LRRC37A2: variants seen among roughly 807,000 people sequenced by gnomAD.
The protein encoded by LRRC37A2 is leucine-rich repeat-containing protein 37A2.
A neutral mutation model predicts 68.8 loss-of-function variants in LRRC37A2; 9 were observed. The observed-to-expected ratio is 0.13, with a 90% CI of 0.08 to 0.23. LRRC37A2 has a LOEUF of 0.23. LRRC37A2 is among the 10% of genes least tolerant of loss of function. LRRC37A2 has a pLI of 1.00. For missense variants in LRRC37A2, 168 were observed against 950.4 expected (o/e 0.18, Z 10.82); for synonymous variants, 63 against 367.6 (o/e 0.17, Z 9.48).
At chr17:46,709,898 C>T in the LRRC37A2 span, among the ~76,000 whole-genome samples, 1 of 152,140 alleles carries the variant, frequency 6.6e-6, no homozygotes, top group Non-Finnish European at 1.5e-5. Flanking sequence ...GAATGAGAAC[C>T]TTCCTCTGTA....
At chr17:46,679,423 C>T in the LRRC37A2 span, among the ~76,000 whole-genome samples, 8 of 132,032 alleles carry the variant, frequency 6.1e-5, no homozygotes, top group African/African-American at 2.1e-4. Flanking sequence ...TGGAAAAAAA[C>T]GTTTGGGAAG....
chr17:46,958,446 C>T, the LRRC37A2 span, among the ~76,000 whole-genome samples: 8 of 152,174 alleles, frequency 5.3e-5, no homozygotes, highest in Non-Finnish European at 1.2e-4. Context: ...CTTTTATTCT[C>T]GAACTGAAGG....
the LRRC37A2 span, among the ~76,000 whole-genome samples, chr17:46,717,637 G>A: frequency 2.0e-5 from 3 of 152,118 alleles, no homozygotes; most frequent in East Asian, 5.8e-4. Flanking sequence ...GCTTGAACCC[G>A]GGAGGCAGAG....
chr17:46,889,062 C>G, the LRRC37A2 span, among the ~76,000 whole-genome samples: 1 of 152,158 alleles, frequency 6.6e-6, no homozygotes, highest in South Asian at 2.1e-4. Flanking sequence ...CTCAGCTCTT[C>G]CCTGCAGCAG....
At chr17:46,530,129 C>G (rs907119634) in intron 6 of LRRC37A2, among the ~76,000 whole-genome samples, 1 of 138,058 alleles carries the variant, frequency 7.2e-6, no homozygotes, top group Admixed American at 7.7e-5. Context: ...TGGGCTCAAG[C>G]TTTCCTTCTG....
chr17:46,657,221 GA>G, the LRRC37A2 span, among the ~76,000 whole-genome samples: 1 of 100,726 alleles, frequency 9.9e-6, no homozygotes, highest in Non-Finnish European at 2.2e-5. Context: ...TAGAATTGCT[GA>G]ATCAAAAAGG....
At chr17:46,856,943 C>T in the LRRC37A2 span, among the ~76,000 whole-genome samples, 1 of 152,224 alleles carries the variant, frequency 6.6e-6, no homozygotes, top group Admixed American at 6.5e-5. Flanking sequence ...CCCATGGCTA[C>T]TCCACTTCTC....
chr17:47,027,097 G>C, the LRRC37A2 span, among the ~76,000 whole-genome samples: 2 of 152,080 alleles, frequency 1.3e-5, no homozygotes, highest in Admixed American at 6.6e-5. Context: ...TTTTTTTGTA[G>C]AGACGGGGTT....
chr17:46,894,910 G>A, the LRRC37A2 span, among the ~76,000 whole-genome samples: 1 of 152,234 alleles, frequency 6.6e-6, no homozygotes, highest in Non-Finnish European at 1.5e-5. Flanking sequence ...GGCCATGCAA[G>A]CCGGAATGCA....
At chr17:46,978,591 G>A in the LRRC37A2 span, 1 of 1,531,452 alleles carries the variant, frequency 6.5e-7, no homozygotes, top group South Asian at 1.2e-5. Context: ...CGAGGGTCCG[G>A]GTCTCCGGGG....
At chr17:46,491,422 G>A in the LRRC37A2 span, among the ~76,000 whole-genome samples, 127,142 of 134,154 alleles carry the variant, frequency 0.95, 61,169 homozygotes, top group East Asian at 1. Context: ...TTTGATTGGA[G>A]TAACTTTATT....
At chr17:46,731,929 A>G in the LRRC37A2 span, among the ~76,000 whole-genome samples, 1 of 152,204 alleles carries the variant, frequency 6.6e-6, no homozygotes, top group Non-Finnish European at 1.5e-5. Flanking sequence ...AAATGTTTAT[A>G]TTCTCTCAAG....
the LRRC37A2 span, among the ~76,000 whole-genome samples, chr17:47,004,448 G>A: frequency 6.6e-6 from 1 of 152,212 alleles, no homozygotes; most frequent in African/African-American, 2.4e-5. Context: ...CTGCCCTCAG[G>A]GGCCAGCAGC....
chr17:46,883,707 C>T, the LRRC37A2 span, among the ~76,000 whole-genome samples: 4 of 152,142 alleles, frequency 2.6e-5, no homozygotes, highest in Non-Finnish European at 4.4e-5. Flanking sequence ...GTGCTGGGCA[C>T]GGCCTGGGGA....
chr17:46,822,166 G>T, the LRRC37A2 span, among the ~76,000 whole-genome samples: 1 of 152,232 alleles, frequency 6.6e-6, no homozygotes, highest in Non-Finnish European at 1.5e-5. Context: ...GGGGCTCCAA[G>T]GCCTCTGACC....
the LRRC37A2 span, among the ~76,000 whole-genome samples, chr17:46,771,966 G>T: frequency 6.7e-6 from 1 of 148,174 alleles, no homozygotes; most frequent in Non-Finnish European, 1.5e-5. Flanking sequence ...TCCGGCCGCC[G>T]ACCCCGCCGC....
At chr17:46,878,724 G>A in the LRRC37A2 span, among the ~76,000 whole-genome samples, 5 of 152,292 alleles carry the variant, frequency 3.3e-5, no homozygotes, top group South Asian at 6.2e-4. Context: ...GGGCCTGGGA[G>A]CAACGTGGAG....
the LRRC37A2 span, chr17:46,704,912 G>A: frequency 6.4e-7 from 1 of 1,551,314 alleles, no homozygotes; most frequent in Non-Finnish European, 8.7e-7. Flanking sequence ...AATAACTCAG[G>A]CGAAAAGTAA....
the LRRC37A2 span, among the ~76,000 whole-genome samples, chr17:46,949,836 A>T: frequency 1.3e-5 from 2 of 152,108 alleles, no homozygotes; most frequent in Non-Finnish European, 2.9e-5. Flanking sequence ...GGGCAGGAGG[A>T]TTCTGTGGCT....
Sources: gnomAD v4.1 joint callset for allele counts (sites outside exome capture counted in the v4.1 genomes callset) on GRCh38, gnomAD v4.1.1 for gene constraint, MANE v1.5 for transcripts, NCBI Gene and HGNC (gene_info 2026-07-23, HGNC 2026-07-21) for gene names.